The following DIP2C variants were observed in gnomAD, a reference collection of about 807,000 sequenced individuals.
The protein encoded by DIP2C is DIP2 acetate--CoA ligase C (putative).
In DIP2C, 33 loss-of-function variants were observed where a neutral mutation model predicts 192.4. The observed-to-expected ratio is 0.17, with a 90% confidence interval of 0.13 to 0.23. The LOEUF (loss-of-function observed/expected upper bound fraction) is 0.23, where lower values mean the gene tolerates loss of function less well. Ranked by LOEUF, DIP2C falls within the 10% of genes least tolerant of loss-of-function variation. The pLI, the probability that DIP2C is intolerant of heterozygous loss-of-function variation, is 1.00. For missense variants in DIP2C, 1,537 were observed against 2,110.1 expected (o/e 0.73, Z 5.32); for synonymous variants, 979 against 864.1 (o/e 1.13, Z -2.33).
At chr10:467,829 G>A (rs756839994) in intron 3 of DIP2C, among the ~76,000 whole-genome samples, 12 of 152,186 alleles carry the variant, frequency 7.9e-5, no homozygotes, top group Non-Finnish European at 1.8e-4. Flanking sequence ...AGGAGGGATA[G>A]CATTAGGAGA....
rs564019985 is a variant in DIP2C, at chr10:337,615, G to A, written c.3584+3584C>T. Among the ~76,000 whole-genome samples, 21 of 142,388 alleles carry A rather than the reference G, an allele frequency of 1.5e-4. No homozygotes were observed. In the South Asian group the frequency reaches 1.6e-3, roughly 11 times the overall value. 93.4% of individuals were successfully genotyped at this position (142,388 alleles called of 152,430 possible). ...TGTGTGTTCTGTGGAGGCCTAGGCA[G>A]CTGTGTGTGTGTGCGCACGTGTGTT... On this transcript the variant is annotated intron_variant, in intron 29 of 36. Transcript: ENST00000280886.
chr10:640,220 C>G (rs1463726059), intron 1 of DIP2C, among the ~76,000 whole-genome samples: 2 of 152,240 alleles, frequency 1.3e-5, no homozygotes, highest in East Asian at 3.9e-4. Context: ...TGGCGGGGCT[C>G]CCGGTGCAGG....
chr10:340,599 A>G (rs1024433737), intron 29 of DIP2C: 3 of 357,896 alleles, frequency 8.4e-6, no homozygotes, highest in African/African-American at 2.1e-5. Flanking sequence ...TATTTTCTAT[A>G]ATTTCTACAA....
intron 1 of DIP2C, among the ~76,000 whole-genome samples, chr10:617,416 G>T (rs1275345760): frequency 6.6e-6 from 1 of 152,172 alleles, no homozygotes; most frequent in East Asian, 1.9e-4. Flanking sequence ...GGTGGCTGTG[G>T]AGACTGAGAC....
chr10:382,981 C>T (rs2132888830), intron 16 of DIP2C, among the ~76,000 whole-genome samples: 1 of 152,332 alleles, frequency 6.6e-6, no homozygotes, highest in South Asian at 2.1e-4. Flanking sequence ...ATTTATGACA[C>T]CTTTTCTGAC....
intron 36 of DIP2C, among the ~76,000 whole-genome samples, chr10:280,799 C>T (rs1045701450): frequency 6.6e-6 from 1 of 152,208 alleles, no homozygotes; most frequent in Admixed American, 6.5e-5. Flanking sequence ...GCCTCTCCTT[C>T]TCACTGAAGT....
At position 417,704 on chromosome 10, in the gene DIP2C, C is replaced by T. The variant is rs530054942; in HGVS notation, c.739+1361G>A. Among the ~76,000 whole-genome samples the T allele has an allele frequency of 6.5e-4, 72 of 111,396 alleles. 4 individuals carry two copies. The highest frequency in any genetic ancestry group is 7.3e-4 in the Non-Finnish European group (38 of 51,942). The allele number at this position is 111,396 out of a possible 152,430, so 73.1% of individuals were successfully genotyped here. A position where few individuals can be genotyped will look rare whatever the true frequency, so the allele number is the denominator to read the frequency against. Reference sequence around the variant, plus strand: ...GGCCTCCCTGTCCGCCTGTGCCTGTCGGCTCAAATAGGCCTCCCTGTCTGC... The same window carrying T: ...GGCCTCCCTGTCCGCCTGTGCCTGTTGGCTCAAATAGGCCTCCCTGTCTGC... On this transcript the variant is annotated intron_variant, in intron 6 of 36. Transcript: ENST00000280886.
chr10:434,246 TAA>T (rs1483878910), intron 4 of DIP2C, among the ~76,000 whole-genome samples: 2 of 152,094 alleles, frequency 1.3e-5, no homozygotes, highest in South Asian at 2.1e-4. Flanking sequence ...TTAAGAAAAA[TAA>T]AAGTTTTTCT....
intron 10 of DIP2C, among the ~76,000 whole-genome samples, chr10:392,838 G>A (rs536307628): frequency 3.3e-5 from 5 of 151,452 alleles, no homozygotes; most frequent in East Asian, 1.9e-4. Context: ...ACACGCCCAC[G>A]CACACACACG....
chr10:675,096 C>T (rs954072059), intron 1 of DIP2C, among the ~76,000 whole-genome samples: 2 of 152,052 alleles, frequency 1.3e-5, no homozygotes, highest in African/African-American at 4.8e-5. Context: ...CTAGGATATT[C>T]TCAGACTGTA....
intron 1 of DIP2C, among the ~76,000 whole-genome samples, chr10:616,222 T>C (rs1853461789): frequency 6.6e-6 from 1 of 152,218 alleles, no homozygotes; most frequent in Non-Finnish European, 1.5e-5. Flanking sequence ...CAGCCGTTTG[T>C]AATCTGGACC....
intron 29 of DIP2C, among the ~76,000 whole-genome samples, chr10:333,243 T>C (rs1467183482): frequency 2.6e-5 from 4 of 152,178 alleles, no homozygotes; most frequent in African/African-American, 4.8e-5. Flanking sequence ...TTAGGTATAC[T>C]TTGCATACCC....
intron 1 of DIP2C, among the ~76,000 whole-genome samples, chr10:580,304 AGT>A (rs1491463036): frequency 6.6e-6 from 1 of 152,144 alleles, no homozygotes; most frequent in East Asian, 1.9e-4. Context: ...TGCGTACATT[AGT>A]GTGCACATAT....
intron 1 of DIP2C, among the ~76,000 whole-genome samples, chr10:586,490 T>C (rs909832415): frequency 4.0e-5 from 6 of 151,884 alleles, no homozygotes; most frequent in Non-Finnish European, 7.4e-5. Context: ...AGACCAGCCC[T>C]AAGTCCCGCT....
At chr10:625,505 AC>A (rs1338912377) in intron 1 of DIP2C, among the ~76,000 whole-genome samples, 12 of 152,068 alleles carry the variant, frequency 7.9e-5, no homozygotes, top group Non-Finnish European at 1.2e-4. Flanking sequence ...AGGCTCCCCT[AC>A]GGGGAGCCTG....
At chr10:341,918 T>C (rs1958165806) in intron 28 of DIP2C, among the ~76,000 whole-genome samples, 1 of 152,156 alleles carries the variant, frequency 6.6e-6, no homozygotes, top group Middle Eastern at 3.4e-3. Flanking sequence ...GAACAACAAA[T>C]GCACGATACC....
At chr10:490,465 G>A (rs192763281) in intron 1 of DIP2C, among the ~76,000 whole-genome samples, 2 of 152,288 alleles carry the variant, frequency 1.3e-5, no homozygotes, top group East Asian at 1.9e-4. Context: ...ACCTGGAAGC[G>A]ATGGGAACGT....
At chr10:338,704 A>AT (rs1473015650) in intron 29 of DIP2C, among the ~76,000 whole-genome samples, 5 of 152,218 alleles carry the variant, frequency 3.3e-5, no homozygotes, top group African/African-American at 1.2e-4. Context: ...CACGGAGCCG[A>AT]TCTCCCTCGG....
chr10:538,430 T>C (rs1007144316), intron 1 of DIP2C, among the ~76,000 whole-genome samples: 5 of 152,182 alleles, frequency 3.3e-5, no homozygotes, highest in Admixed American at 2.0e-4. Context: ...CCTAGAACTA[T>C]AGGCATGAGG....
Sources: allele counts gnomAD v4.1 joint callset (sites outside exome capture counted in the v4.1 genomes callset), GRCh38; gene constraint gnomAD v4.1.1; transcripts MANE v1.5; gene names NCBI Gene and HGNC (gene_info 2026-07-23, HGNC 2026-07-21).